Variants in NSRP1 observed in about 807,000 individuals in gnomAD.
NSRP1 encodes the protein nuclear speckle splicing regulatory protein 1.
Under a neutral mutation model 54.7 loss-of-function variants are expected in NSRP1, and 24 were observed. That is an observed-to-expected ratio of 0.44 (90% CI 0.32 to 0.62). The LOEUF (loss-of-function observed/expected upper bound fraction) is 0.62, where lower values mean the gene tolerates loss of function less well. Ranked by LOEUF, NSRP1 falls within the 20% of genes least tolerant of loss-of-function variation. The pLI, the probability that NSRP1 is intolerant of heterozygous loss-of-function variation, is 0.06. For missense variants in NSRP1, 596 were observed against 651.2 expected (o/e 0.92, Z 0.92); for synonymous variants, 210 against 213.8 (o/e 0.98, Z 0.15).
intron 2 of NSRP1, among the ~76,000 whole-genome samples, chr17:30,122,937 C>T (rs1361835183): frequency 1.3e-5 from 2 of 151,972 alleles, no homozygotes; most frequent in African/African-American, 4.8e-5. Flanking sequence ...ATATTCATGT[C>T]ATTTACCTTT....
chr17:30,164,053 T>C (rs1019392990), intron 2 of NSRP1, among the ~76,000 whole-genome samples: 4 of 152,184 alleles, frequency 2.6e-5, no homozygotes, highest in African/African-American at 9.7e-5. Context: ...TATTGTTTTA[T>C]GTTATTTGTG....
intron 3 of NSRP1, among the ~76,000 whole-genome samples, chr17:30,175,466 G>A (rs1051894527): frequency 1.3e-5 from 2 of 151,736 alleles, no homozygotes; most frequent in Admixed American, 6.6e-5. Context: ...ATGGAGTCTT[G>A]CTCTGTACCT....
intron 2 of NSRP1, among the ~76,000 whole-genome samples, chr17:30,118,855 T>G (rs1391495707): frequency 3.3e-5 from 5 of 152,020 alleles, no homozygotes; most frequent in African/African-American, 1.2e-4. Context: ...TTCAAGCGAT[T>G]CTCTTGCCTA....
chr17:30,131,987 G>A (rs1055942373), intron 2 of NSRP1, among the ~76,000 whole-genome samples: 7 of 152,154 alleles, frequency 4.6e-5, no homozygotes, highest in Non-Finnish European at 1.0e-4. Context: ...GGTGGCTCAC[G>A]CTTGTAATCC....
chr17:30,182,366 G>C (rs1220519800), intron 6 of NSRP1, among the ~76,000 whole-genome samples: 3 of 152,132 alleles, frequency 2.0e-5, no homozygotes, highest in African/African-American at 7.2e-5. Flanking sequence ...AAAGTAGGTT[G>C]GGCGCAGTGA....
intron 2 of NSRP1, among the ~76,000 whole-genome samples, chr17:30,145,008 T>C (rs1393498876): frequency 6.6e-6 from 1 of 152,248 alleles, no homozygotes; most frequent in African/African-American, 2.4e-5. Flanking sequence ...TATGATTTTG[T>C]AAACATAAAT....
intron 2 of NSRP1, among the ~76,000 whole-genome samples, chr17:30,164,077 CCAGT>C (rs1329814258): frequency 6.6e-6 from 1 of 152,026 alleles, no homozygotes; most frequent in Non-Finnish European, 1.5e-5. Flanking sequence ...GTAAAATAGA[CCAGT>C]CACTTTCTTC....
In NSRP1 at chr17:30,118,247, T is replaced by TA; in HGVS notation, c.114+75dup. Reference sequence around the variant, plus strand: ...TTAAAAATTGAACTTGTGACTCTGATACCTTTGCCTTTGTTATTTGTCAGT... The same window carrying TA: ...TTAAAAATTGAACTTGTGACTCTGATAACCTTTGCCTTTGTTATTTGTCAGT... On this transcript the variant is annotated intron_variant, in intron 2 of 6. Transcript: ENST00000247026. 4.4e-6 allele frequency: 5 copies of TA among 1,126,050 alleles called. No homozygotes were observed. In the South Asian group the frequency reaches 6.3e-5, roughly 14 times the overall value. 69.8% of individuals were successfully genotyped at this position (1,126,050 alleles called of 1,614,324 possible). A position where few individuals can be genotyped will look rare whatever the true frequency, so the allele number is the denominator to read the frequency against.
At position 30,118,154 on chromosome 17, in the gene NSRP1, AT is replaced by A. The variant is rs1486319133; in HGVS notation, c.97del (p.Ser33LeufsTer9). 14 of 1,613,822 alleles carry A rather than the reference AT, an allele frequency of 8.7e-6. No homozygotes were observed. The highest frequency in any genetic ancestry group is 1.1e-5 in the Non-Finnish European group (13 of 1,179,796). On this transcript the variant is annotated frameshift_variant, in exon 2 of 7. Transcript: ENST00000247026. LOFTEE classifies it high-confidence loss of function. The stretch of plus-strand genomic sequence containing the variant: ...CAAAAACCATCAGTGTTTGGGAATG[AT>A]TCTGATGATGATGATGAGGTAAGGA... Reference protein sequence around the residue: ...VLQKPSVFGNDSDDDDETSVS... With the variant: ...VLQKPSVFGNXSDDDDETSVS...
chr17:30,158,905 C>T (rs1904414314), intron 2 of NSRP1, among the ~76,000 whole-genome samples: 1 of 152,116 alleles, frequency 6.6e-6, no homozygotes. Flanking sequence ...TGTGATGCCT[C>T]TAGCTGTTCT....
intron 6 of NSRP1, among the ~76,000 whole-genome samples, chr17:30,183,231 A>AGT (rs35687485): frequency 1.3e-5 from 2 of 150,858 alleles, no homozygotes; most frequent in Non-Finnish European, 1.5e-5. Context: ...AAAAAAAAAA[A>AGT]TTTTTTTTAA....
intron 2 of NSRP1, among the ~76,000 whole-genome samples, chr17:30,141,018 G>T (rs2151887680): frequency 6.6e-6 from 1 of 152,192 alleles, no homozygotes; most frequent in Admixed American, 6.5e-5. Context: ...ATGAGGTCTT[G>T]CTGTGTTGTC....
chr17:30,175,961 C>T lies in NSRP1; in HGVS notation c.172-2110C>T, dbSNP rs531916851. Among the ~76,000 whole-genome samples the T allele has an allele frequency of 4.0e-5, 6 of 151,594 alleles. No homozygotes were observed. In the East Asian group the frequency reaches 1.2e-3, roughly 30 times the overall value. ...GAGGTTGCAGTGAGCCAAGATGGTG[C>T]CACTGCACTCCAGGCTAGGCAACAG... On this transcript the variant is annotated intron_variant, in intron 3 of 6. Transcript: ENST00000247026.
At chr17:30,170,898 G>A (rs912088435) in intron 2 of NSRP1, among the ~76,000 whole-genome samples, 1 of 152,190 alleles carries the variant, frequency 6.6e-6, no homozygotes. Flanking sequence ...TGCACCAGCA[G>A]TATATAAGAA....
intron 2 of NSRP1, among the ~76,000 whole-genome samples, chr17:30,154,766 G>A (rs2071945759): frequency 6.6e-6 from 1 of 151,830 alleles, no homozygotes; most frequent in South Asian, 2.1e-4. Context: ...GGGACCAGAA[G>A]TGTTTCAGAT....
intron 6 of NSRP1, 128 bp from the exon 7 acceptor site, chr17:30,184,487 C>A: frequency 8.6e-7 from 1 of 1,166,442 alleles, no homozygotes; most frequent in Non-Finnish European, 1.1e-6. Context: ...TTTGGATAAT[C>A]AGACAGTATA....
At chr17:30,139,021 C>T in intron 2 of NSRP1, among the ~76,000 whole-genome samples, 1 of 149,308 alleles carries the variant, frequency 6.7e-6, no homozygotes, top group East Asian at 2.1e-4. Flanking sequence ...GGGTTCACAC[C>T]ATTCTCCTGC....
intron 2 of NSRP1, among the ~76,000 whole-genome samples, chr17:30,148,558 T>C (rs532940740): frequency 1.3e-5 from 2 of 152,336 alleles, no homozygotes; most frequent in South Asian, 2.1e-4. Context: ...TCAGAGTCTT[T>C]ATTGTATTTT....
intron 6 of NSRP1, among the ~76,000 whole-genome samples, chr17:30,182,750 C>T (rs893245717): frequency 6.6e-5 from 10 of 151,844 alleles, no homozygotes; most frequent in East Asian, 3.9e-4. Context: ...CTGGCCAGCA[C>T]GGTGAAATCC....
Sources: gnomAD v4.1 joint callset for allele counts (sites outside exome capture counted in the v4.1 genomes callset) on GRCh38, gnomAD v4.1.1 for gene constraint, MANE v1.5 for transcripts, NCBI Gene and HGNC (gene_info 2026-07-23, HGNC 2026-07-21) for gene names.